The following ATCAY variants were observed in gnomAD, a reference collection of about 807,000 sequenced individuals.
The protein encoded by ATCAY is ATCAY kinesin light chain interacting caytaxin, also known as caytaxin.
Under a neutral mutation model 47.7 loss-of-function variants are expected in ATCAY, and 22 were observed. The ratio of observed to expected loss-of-function variants is 0.46; its 90% confidence interval spans 0.33 to 0.66. The LOEUF (loss-of-function observed/expected upper bound fraction) is 0.66. Among genes scored for constraint, ATCAY ranks in the 30% least tolerant of loss-of-function variants. ATCAY has a pLI of 0.02. For synonymous variants in ATCAY, 216 were observed against 207.6 expected, an observed-to-expected ratio of 1.04 and a Z score of -0.35; for missense variants, 452 against 515.0, an observed-to-expected ratio of 0.88 and a Z score of 1.18.
Position 3,927,132 on chromosome 19 carries a change from A to T in ATCAY, c.*2540A>T, listed in dbSNP as rs1174282266. 1 of 152,212 alleles carries T rather than the reference A, an allele frequency of 6.6e-6. No homozygotes were observed. Among genetic ancestry groups the T allele is most frequent in the Non-Finnish European group, 1.5e-5 (1 of 68,092 alleles). The allele number at this position is 152,212 out of a possible 1,614,324, so 9.4% of individuals were successfully genotyped here. A position where few individuals can be genotyped will look rare whatever the true frequency, so the allele number is the denominator to read the frequency against. ...GCTACTCAGGAGGCTGAGGTAGAAG[A>T]ATAGCTGGAACCCAGGAGGCAGAGA... is the stretch of plus-strand genomic sequence containing the variant. On this transcript the variant is annotated 3_prime_UTR_variant, in exon 13 of 13. Transcript: ENST00000450849.
rs951980775 is a variant in ATCAY, at chr19:3,924,902, G to A, written c.*310G>A. On this transcript the variant is annotated 3_prime_UTR_variant, in exon 13 of 13. Coordinates refer to ENST00000450849, the MANE Select transcript of ATCAY (RefSeq NM_033064.5). ...AAGCGCAGGGGGTGGCCCGCGTGGC[G>A]TCGGTGGCCTCCGCTCCTGCTCGCA... 15 of 372,534 alleles carry A rather than the reference G, an allele frequency of 4.0e-5. No individual in the cohort carries two copies. Among genetic ancestry groups the A allele is most frequent in the Non-Finnish European group, 2.5e-5 (5 of 202,190 alleles). The allele number at this position is 372,534 out of a possible 1,614,324, so 23.1% of individuals were successfully genotyped here.
At chr19:3,915,988 C>T (rs1448959077) in intron 9 of ATCAY, among the ~76,000 whole-genome samples, 2 of 152,074 alleles carry the variant, frequency 1.3e-5, no homozygotes, top group East Asian at 3.9e-4. Context: ...CTGCACCCGG[C>T]CCTCTCCAGA....
At chr19:3,892,627 C>T (rs1191534806) in intron 2 of ATCAY, among the ~76,000 whole-genome samples, 1 of 152,160 alleles carries the variant, frequency 6.6e-6, no homozygotes. Context: ...GCCCTCAGGG[C>T]TGGGTGCGGT....
chr19:3,918,064 C>A (rs2038981113), intron 10 of ATCAY, among the ~76,000 whole-genome samples: 1 of 152,142 alleles, frequency 6.6e-6, no homozygotes, highest in Non-Finnish European at 1.5e-5. Context: ...GCACAGACTT[C>A]ACGCTCCATA....
chr19:3,900,088 C>T (rs934856010), intron 2 of ATCAY, among the ~76,000 whole-genome samples: 1 of 152,000 alleles, frequency 6.6e-6, no homozygotes, highest in African/African-American at 2.4e-5. Flanking sequence ...TGATAATCAA[C>T]ATTGATCAAT....
At chr19:3,881,909 T>C (rs2145215333) in intron 1 of ATCAY, among the ~76,000 whole-genome samples, 1 of 148,708 alleles carries the variant, frequency 6.7e-6, no homozygotes, top group African/African-American at 2.5e-5. Flanking sequence ...ATTTTTTTTT[T>C]TTCCATGCTG....
In ATCAY at chr19:3,920,807, G is replaced by T; in HGVS notation, c.1106+9G>T. ...GAAGATCAGGAAACAAGGTGGGTGT[G>T]ATGCAGAGTGGTCTTCGTGCTGTTT... On this transcript the variant is annotated intron_variant, in intron 12 of 12. Transcript: ENST00000450849. The T allele has an allele frequency of 1.2e-6, 2 of 1,613,664 alleles. No individual in the cohort carries two copies. The highest frequency in any genetic ancestry group is 1.7e-6 in the Non-Finnish European group (2 of 1,179,710).
intron 1 of ATCAY, among the ~76,000 whole-genome samples, 170 bp from the exon 2 acceptor site, chr19:3,885,557 A>AAAG (rs1196847608): frequency 1.4e-5 from 2 of 147,532 alleles, no homozygotes; most frequent in Non-Finnish European, 3.0e-5. Flanking sequence ...CCGTCTCAAA[A>AAAG]AAGAAGAAGA....
intron 2 of ATCAY, chr19:3,895,017 TTC>T (rs1330727988): frequency 6.3e-5 from 25 of 399,450 alleles, no homozygotes; most frequent in South Asian, 1.1e-4. Context: ...ACAGATTTTT[TTC>T]TCTCTCTCTC....
In ATCAY at chr19:3,913,839, C is replaced by A. The variant is rs761058961; in HGVS notation, c.948C>A (p.Ile316=). 1.9e-6 allele frequency: 3 copies of A among 1,613,570 alleles called. No individual in the cohort carries two copies. Among genetic ancestry groups the A allele is most frequent in the Admixed American group, 1.7e-5 (1 of 59,940 alleles). Residue 316 remains isoleucine, a synonymous_variant, in exon 9 of 13, where the codon ATC becomes ATA. Transcript: ENST00000450849. Reference sequence around the variant, plus strand: ...TCATCCCTATGGAACACGTCCAGATCCCAGACTGCGTCCTGCAGTGAGTGG... The same window carrying A: ...TCATCCCTATGGAACACGTCCAGATACCAGACTGCGTCCTGCAGTGAGTGG... ...EQLIPMEHVQ[I]PDCVLQYEEE...
In ATCAY at chr19:3,895,293, C is replaced by A. The variant is rs10424204; in HGVS notation, c.78-7194C>A. On this transcript the variant is annotated intron_variant, in intron 2 of 12. Coordinates refer to ENST00000450849, the MANE Select transcript of ATCAY (RefSeq NM_033064.5). Reference sequence around the variant, plus strand: ...GCAATGGCACGATCTCAGCTCACTGCAACCTCCGCTTCCTGGGTTCAAGCC... The same window carrying A: ...GCAATGGCACGATCTCAGCTCACTGAAACCTCCGCTTCCTGGGTTCAAGCC... The A allele has an allele frequency of 3.8e-3, 1,691 of 449,862 alleles. 18 individuals carry two copies. The highest frequency in any genetic ancestry group is 0.03 in the African/African-American group (1,522 of 50,054). The allele number at this position is 449,862 out of a possible 1,614,324, so 27.9% of individuals were successfully genotyped here.
intron 2 of ATCAY, among the ~76,000 whole-genome samples, chr19:3,886,073 T>C (rs1263622899): frequency 2.0e-5 from 3 of 152,302 alleles, no homozygotes; most frequent in South Asian, 2.1e-4. Flanking sequence ...AATGGGTATT[T>C]GCTCAATGAT....
rs1555769339 is a variant in ATCAY at position 3,914,244 on chromosome 19, A to AAAAAAAAG, written c.965+394_965+395insAGAAAAAA. Among the ~76,000 whole-genome samples the AAAAAAAAG allele has an allele frequency of 1.6e-4, 24 of 150,374 alleles. 1 individual carries two copies. The highest frequency in any genetic ancestry group is 7.4e-5 in the Non-Finnish European group (5 of 67,782). ...GAGCGAGACTCCATCGCAAAAAAAAAAAAAAAGGGCTAACGGACTCACAAT... is the reference window on the plus strand; with the variant it reads ...GAGCGAGACTCCATCGCAAAAAAAAAAAAAAAAGAAAAAAGGGCTAACGGACTCACAAT... On this transcript the variant is annotated intron_variant, in intron 9 of 12. Coordinates refer to ENST00000450849, the MANE Select transcript of ATCAY (RefSeq NM_033064.5).
At chr19:3,900,727 C>T (rs540397254) in intron 2 of ATCAY, among the ~76,000 whole-genome samples, 72 of 151,396 alleles carry the variant, frequency 4.8e-4, no homozygotes, top group East Asian at 2.2e-3. Flanking sequence ...GTAGAGATGG[C>T]GTTTCACCAT....
intron 11 of ATCAY, among the ~76,000 whole-genome samples, chr19:3,919,473 T>A (rs1002608201): frequency 6.6e-6 from 1 of 151,700 alleles, no homozygotes; most frequent in African/African-American, 2.4e-5. Context: ...GTGCCTGTAG[T>A]CCCACCTACT....
chr19:3,886,275 C>T (rs1430304981), intron 2 of ATCAY, among the ~76,000 whole-genome samples: 7 of 152,018 alleles, frequency 4.6e-5, no homozygotes, highest in South Asian at 4.2e-4. Context: ...ATGGCAAAAC[C>T]GCGTCTCTAC....
chr19:3,924,252 G>C (rs2039047220), intron 12 of ATCAY, among the ~76,000 whole-genome samples: 1 of 151,748 alleles, frequency 6.6e-6, no homozygotes, highest in African/African-American at 2.4e-5. Flanking sequence ...TGGATGGATG[G>C]ATGGATGGAT....
intron 8 of ATCAY, among the ~76,000 whole-genome samples, chr19:3,912,763 G>A (rs2038934622): frequency 6.6e-6 from 1 of 151,896 alleles, no homozygotes; most frequent in African/African-American, 2.4e-5. Context: ...GCGCGCACCT[G>A]TGATCCCAGC....
intron 8 of ATCAY, among the ~76,000 whole-genome samples, chr19:3,913,367 C>T (rs951899365): frequency 3.9e-5 from 6 of 152,176 alleles, no homozygotes; most frequent in Non-Finnish European, 8.8e-5. Flanking sequence ...GCTGTGCCGT[C>T]CTGTGCGGTG....
Sources: gnomAD v4.1 joint callset for allele counts (sites outside exome capture counted in the v4.1 genomes callset) on GRCh38, gnomAD v4.1.1 for gene constraint, MANE v1.5 for transcripts, NCBI Gene and HGNC (gene_info 2026-07-23, HGNC 2026-07-21) for gene names.